Variants in ZNF334 observed in about 807,000 individuals in gnomAD.
The protein encoded by ZNF334 is zinc finger protein 334.
A neutral mutation model predicts 12.4 loss-of-function variants in ZNF334; 14 were observed. The ratio of observed to expected loss-of-function variants is 1.13; its 90% CI spans 0.74 to 1.76. The LOEUF is 1.76. Ranked by LOEUF, ZNF334 falls within the 40% of genes most tolerant of loss-of-function variation. The pLI is 0.00. For synonymous variants in ZNF334, 273 were observed against 269.6 expected (o/e 1.01, Z -0.12); for missense variants, 797 against 804.5 (o/e 0.99, Z 0.11).
the ZNF334 span, among the ~76,000 whole-genome samples, chr20:46,474,017 C>T: frequency 1.3e-5 from 2 of 152,268 alleles, no homozygotes; most frequent in East Asian, 1.9e-4. Flanking sequence ...GTGCACTCTC[C>T]AGATCTTAAG....
intron 2 of ZNF334, chr20:46,506,038 A>G (rs2061418267): frequency 3.9e-6 from 1 of 256,078 alleles, no homozygotes; most frequent in Non-Finnish European, 7.3e-6. Context: ...CGCTAGTAGT[A>G]TATGTGGAGA....
chr20:46,495,385 T>C (rs772022097), downstream of ZNF334, among the ~76,000 whole-genome samples: 2 of 151,112 alleles, frequency 1.3e-5, no homozygotes, highest in Non-Finnish European at 2.9e-5. Flanking sequence ...GTTCAATCAC[T>C]GACTTCATAA....
At chr20:46,484,526 T>C in the ZNF334 span, 3 of 167,314 alleles carry the variant, frequency 1.8e-5, no homozygotes, top group African/African-American at 7.2e-5. Context: ...ATCTGACTCC[T>C]GAACAGAGAA....
At chr20:46,463,823 C>T in the ZNF334 span, 45 of 350,600 alleles carry the variant, frequency 1.3e-4, 2 homozygotes, top group South Asian at 1.1e-3. Context: ...AACATGGGCA[C>T]TGTCACACCA....
intron 3 of ZNF334, 101 bp downstream of exon 3, chr20:46,504,513 C>A (rs1338104461): frequency 4.7e-5 from 66 of 1,404,486 alleles, no homozygotes; most frequent in Non-Finnish European, 6.0e-5. Context: ...TCTTCTTGCT[C>A]CCCTGATGCT....
At chr20:46,484,333 G>A in the ZNF334 span, 2 of 164,106 alleles carry the variant, frequency 1.2e-5, no homozygotes, top group African/African-American at 4.8e-5. Context: ...TTCTATTATA[G>A]CTTTTGGTCA....
intron 2 of ZNF334, among the ~76,000 whole-genome samples, chr20:46,508,202 CAGAGG>C (rs2061505055): frequency 6.6e-6 from 1 of 152,174 alleles, no homozygotes; most frequent in Admixed American, 6.5e-5. Flanking sequence ...CCATTCAGAG[CAGAGG>C]AGAGTTCACC....
chr20:46,510,757 C>T (rs1003285216), intron 2 of ZNF334, among the ~76,000 whole-genome samples: 3 of 98,320 alleles, frequency 3.1e-5, no homozygotes, highest in Non-Finnish European at 6.2e-5. Context: ...GAGCCCATTT[C>T]AAAAAAAAAA....
At chr20:46,477,771 C>T in the ZNF334 span, among the ~76,000 whole-genome samples, 1 of 152,258 alleles carries the variant, frequency 6.6e-6, no homozygotes, top group East Asian at 1.9e-4. Flanking sequence ...AAGAAGATTG[C>T]AATAGAATAA....
Position 46,512,088 on chromosome 20 carries a change from T to C in ZNF334, c.15A>G (p.Lys5=). ...AAATCCCTGAGCAACTTACCTGAAA[T>C]TTTTTCATTTTCATGTTCTCTTGAG... is the stretch of plus-strand genomic sequence containing the variant. The part of the protein sequence containing the change: MKMK[K]FQIPVSFQDL... Residue 5 remains lysine, a synonymous_variant, in exon 2 of 5, where the codon AAA becomes AAG. Transcript: ENST00000692313. The C allele has an allele frequency of 6.2e-7, 1 of 1,613,876 alleles. No homozygotes were observed. The highest frequency in any genetic ancestry group is 1.3e-5 in the African/African-American group (1 of 75,050).
At chr20:46,475,393 A>T in the ZNF334 span, among the ~76,000 whole-genome samples, 2 of 152,160 alleles carry the variant, frequency 1.3e-5, no homozygotes, top group African/African-American at 4.8e-5. Context: ...AAACAAAAAC[A>T]TGATCCATAA....
chr20:46,484,178 C>T, the ZNF334 span, among the ~76,000 whole-genome samples: 2 of 152,116 alleles, frequency 1.3e-5, no homozygotes, highest in African/African-American at 4.8e-5. Context: ...GGTATTTGGT[C>T]ATAATCCCAC....
chr20:46,484,100 T>C, the ZNF334 span, among the ~76,000 whole-genome samples: 2 of 152,162 alleles, frequency 1.3e-5, no homozygotes, highest in Non-Finnish European at 2.9e-5. Flanking sequence ...AAAACCGATG[T>C]CCCATCCCAT....
intron 2 of ZNF334, chr20:46,509,491 C>T: frequency 1.5e-6 from 1 of 684,394 alleles, no homozygotes; most frequent in East Asian, 2.7e-5. Flanking sequence ...TCAGCAGGAG[C>T]ATGGGGTCAG....
chr20:46,501,550 C>T lies in ZNF334; in HGVS notation c.1789G>A (p.Glu597Lys). 1.2e-6 allele frequency: 2 copies of T among 1,613,038 alleles called. No homozygotes were observed. The highest frequency in any genetic ancestry group is 1.7e-6 in the Non-Finnish European group (2 of 1,179,668). The change falls in exon 5 of 5, where the codon GAG becomes AAG. Residue 597 changes from glutamate (E) to lysine (K), a missense_variant. Transcript: ENST00000692313. The part of the protein sequence containing the change: ...FVEHQRTHTG[E>K]KPYECNECGK... ...CATTCATTACATTCATATGGTTTCT[C>T]CCCAGTGTGAGTTCGCTGATGTTCA...
the ZNF334 span, chr20:46,463,902 C>A: frequency 2.0e-6 from 1 of 487,824 alleles, no homozygotes; most frequent in Admixed American, 2.3e-5. Flanking sequence ...GCTACTGAGC[C>A]AAGTCATAAA....
chr20:46,492,707 A>G, the ZNF334 span: 19 of 152,398 alleles, frequency 1.2e-4, no homozygotes, highest in African/African-American at 4.3e-4. Context: ...AGATCAATGT[A>G]GAAAGAATCT....
At chr20:46,504,506 T>C in intron 3 of ZNF334, 108 bp downstream of exon 3, 2 of 1,406,674 alleles carry the variant, frequency 1.4e-6, no homozygotes, top group Admixed American at 2.3e-5. Context: ...GGTTTAATCT[T>C]CTTGCTCCCC....
chr20:46,511,867 G>A (rs1292040876), intron 2 of ZNF334, among the ~76,000 whole-genome samples: 1 of 152,186 alleles, frequency 6.6e-6, no homozygotes, highest in Admixed American at 6.5e-5. Flanking sequence ...AAAATCCAGT[G>A]TAAGGGCTAT....
Sources: gnomAD v4.1 joint callset for allele counts (sites outside exome capture counted in the v4.1 genomes callset) on GRCh38, gnomAD v4.1.1 for gene constraint, MANE v1.5 for transcripts, NCBI Gene and HGNC (gene_info 2026-07-23, HGNC 2026-07-21) for gene names.